Variants in ANKFN1 observed in about 807,000 individuals in gnomAD.
ANKFN1 encodes the protein ankyrin repeat and fibronectin type III domain containing 1, also known as ankyrin repeat and fibronectin type-III domain-containing protein 1.
ANKFN1 carries 74 observed loss-of-function variants against 108.7 expected under a neutral mutation model. The ratio of observed to expected loss-of-function variants is 0.68; its 90% CI spans 0.56 to 0.83. The LOEUF (loss-of-function observed/expected upper bound fraction) is 0.83. Ranked by LOEUF, ANKFN1 falls within the 40% of genes least tolerant of loss-of-function variation. ANKFN1 has a pLI of 0.00. For synonymous variants in ANKFN1, 547 were observed against 516.2 expected (o/e 1.06, Z -0.81); for missense variants, 1,505 against 1,382.3 (o/e 1.09, Z -1.41).
chr17:56,462,142 A>G (rs1339757788), intron 14 of ANKFN1: 1 of 152,176 alleles, frequency 6.6e-6, no homozygotes, highest in East Asian at 1.9e-4. Context: ...TGTACAGCGA[A>G]GATGTCTGGA....
At chr17:56,305,907 G>A (rs948000267) in intron 3 of ANKFN1, among the ~76,000 whole-genome samples, 21 of 152,062 alleles carry the variant, frequency 1.4e-4, no homozygotes, top group Admixed American at 4.6e-4. Context: ...CATTTGTTAC[G>A]GTACTACCTT....
intron 4 of ANKFN1, among the ~76,000 whole-genome samples, chr17:56,123,186 T>C (rs1906723754): frequency 6.6e-6 from 1 of 152,218 alleles, no homozygotes; most frequent in South Asian, 2.1e-4. Context: ...GTCAGAGACA[T>C]TTTAGCTAGT....
intron 1 of ANKFN1, among the ~76,000 whole-genome samples, chr17:56,156,792 G>A (rs1194231119): frequency 6.6e-6 from 1 of 152,138 alleles, no homozygotes; most frequent in Non-Finnish European, 1.5e-5. Flanking sequence ...CTTGCCCTCT[G>A]TTTTTATAAA....
At chr17:56,138,087 G>A (rs780471432) in intron 4 of ANKFN1, among the ~76,000 whole-genome samples, 1 of 152,188 alleles carries the variant, frequency 6.6e-6, no homozygotes, top group Non-Finnish European at 1.5e-5. Flanking sequence ...AAGAAATTCA[G>A]AGAATAGCTA....
chr17:56,102,289 T>C (rs1905662527), intron 4 of ANKFN1, among the ~76,000 whole-genome samples: 1 of 152,226 alleles, frequency 6.6e-6, no homozygotes, highest in African/African-American at 2.4e-5. Flanking sequence ...CCTCTTTTAC[T>C]ATACGGTCAA....
chr17:56,124,022 A>C (rs1177561157), intron 4 of ANKFN1, among the ~76,000 whole-genome samples: 1 of 152,160 alleles, frequency 6.6e-6, no homozygotes, highest in Non-Finnish European at 1.5e-5. Context: ...CGAGGGGTCC[A>C]TGGTGCGCAG....
At position 56,456,371 on chromosome 17, in the gene ANKFN1, A is replaced by G. The variant is rs147475170; in HGVS notation, c.1208-490A>G. 2.7e-3 allele frequency among the ~76,000 whole-genome samples: 406 copies of G among 148,784 alleles called. 1 individual carries two copies. Among genetic ancestry groups the G allele is most frequent in the African/African-American group, 9.4e-3 (381 of 40,456 alleles). ...GTTGTTCATTGAGTTAACCACTGGCATCTCAAGATACCAGAGCTTCTTTTT... is the reference window on the plus strand; with the variant it reads ...GTTGTTCATTGAGTTAACCACTGGCGTCTCAAGATACCAGAGCTTCTTTTT... On this transcript the variant is annotated intron_variant, in intron 11 of 20. Transcript: ENST00000682825.
chr17:56,161,839 T>C lies in ANKFN1; in HGVS notation c.-71+8309T>C, dbSNP rs995707321. ...GCTATAGAAAATGTGTCTTCCTAAC[T>C]TAAAAGAAAATAATTTGTAGAAGAT... On this transcript the variant is annotated intron_variant, in intron 1 of 20. Coordinates refer to ENST00000682825, the MANE Select transcript of ANKFN1 (RefSeq NM_001370326.1). Among the ~76,000 whole-genome samples, 7 of 152,144 alleles carry C rather than the reference T, an allele frequency of 4.6e-5. No homozygotes were observed. In the East Asian group the frequency reaches 1.3e-3, roughly 29 times the overall value.
At chr17:56,339,589 A>G (rs1399717242) in intron 4 of ANKFN1, among the ~76,000 whole-genome samples, 1 of 152,148 alleles carries the variant, frequency 6.6e-6, no homozygotes, top group Non-Finnish European at 1.5e-5. Flanking sequence ...TAGTTTGCTA[A>G]GGATAATGGC....
chr17:56,397,331 A>G (rs1211049247), intron 8 of ANKFN1, among the ~76,000 whole-genome samples: 1 of 152,190 alleles, frequency 6.6e-6, no homozygotes, highest in African/African-American at 2.4e-5. Flanking sequence ...TCCATTTCTG[A>G]TGACGTGTGT....
intron 6 of ANKFN1, among the ~76,000 whole-genome samples, chr17:56,367,367 T>G (rs1441388855): frequency 3.3e-5 from 5 of 152,076 alleles, no homozygotes; most frequent in African/African-American, 1.2e-4. Context: ...AGAAAATCCC[T>G]TCAGTCCCTG....
Position 56,514,108 on chromosome 17 carries a change from CT to C in ANKFN1, c.*2846del, listed in dbSNP as rs1567722382. ...ATACAATGGATTTTTGTCTTTCACT[CT>C]TTTTTTAATCCAATATGAGAGCCTC... On this transcript the variant is annotated 3_prime_UTR_variant, in exon 21 of 21. Coordinates refer to ENST00000682825, the MANE Select transcript of ANKFN1 (RefSeq NM_001370326.1). Among the ~76,000 whole-genome samples the C allele has an allele frequency of 6.6e-6, 1 of 152,088 alleles. No individual in the cohort carries two copies. Among genetic ancestry groups the C allele is most frequent in the Admixed American group, 6.6e-5 (1 of 15,254 alleles).
intron 3 of ANKFN1, among the ~76,000 whole-genome samples, chr17:56,310,748 TTGTGTG>T (rs71137198): frequency 1.9e-4 from 28 of 150,184 alleles, no homozygotes; most frequent in South Asian, 6.4e-4. Context: ...CACAATTACT[TTGTGTG>T]TGTGTGTGTG....
At chr17:56,433,615 G>A (rs2048832890) in intron 8 of ANKFN1, among the ~76,000 whole-genome samples, 1 of 152,106 alleles carries the variant, frequency 6.6e-6, no homozygotes. Context: ...CTCATAAGTG[G>A]AAGCTAAAGC....
chr17:56,180,183 T>G (rs1243293557), intron 1 of ANKFN1, among the ~76,000 whole-genome samples: 2 of 152,180 alleles, frequency 1.3e-5, no homozygotes, highest in East Asian at 3.8e-4. Flanking sequence ...GAAGTGTAGT[T>G]ACTCTGATAG....
At chr17:56,415,059 AG>A in intron 8 of ANKFN1, among the ~76,000 whole-genome samples, 1 of 152,084 alleles carries the variant, frequency 6.6e-6, no homozygotes, top group Non-Finnish European at 1.5e-5. Context: ...TGGGTATAGA[AG>A]GAACATACCT....
At chr17:56,349,965 T>C (rs12600910) in intron 4 of ANKFN1, among the ~76,000 whole-genome samples, 24,827 of 152,054 alleles carry the variant, frequency 0.16, 2,364 homozygotes, top group East Asian at 0.4. Flanking sequence ...AGAGTCTTGA[T>C]AGCATCAAAA....
chr17:56,098,435 C>T (rs961700979), intron 4 of ANKFN1, among the ~76,000 whole-genome samples: 1 of 147,996 alleles, frequency 6.8e-6, no homozygotes, highest in Non-Finnish European at 1.5e-5. Flanking sequence ...CACACACACA[C>T]ACACGCGCGC....
At chr17:56,146,864 A>G (rs978974523) in intron 4 of ANKFN1, among the ~76,000 whole-genome samples, 1 of 152,210 alleles carries the variant, frequency 6.6e-6, no homozygotes, top group Non-Finnish European at 1.5e-5. Context: ...TTCTACAACC[A>G]GCTTGAATTT....
Sources: allele counts gnomAD v4.1 joint callset (sites outside exome capture counted in the v4.1 genomes callset), GRCh38; gene constraint gnomAD v4.1.1; transcripts MANE v1.5; gene names NCBI Gene and HGNC (gene_info 2026-07-23, HGNC 2026-07-21).